Variants in DNER observed in about 807,000 individuals in gnomAD.
DNER encodes the protein delta/notch like EGF repeat containing.
DNER carries 33 observed loss-of-function variants against 78.2 expected under a neutral mutation model. The observed-to-expected ratio is 0.42, with a 90% CI of 0.32 to 0.56. DNER has a LOEUF of 0.56. DNER is among the 20% of genes least tolerant of loss of function. The probability of loss-of-function intolerance (pLI) is 0.11; values close to 1 mark genes in which losing one functional copy is unlikely to be tolerated. For missense variants in DNER, 918 were observed against 975.3 expected (o/e 0.94, Z 0.78); for synonymous variants, 417 against 384.8 (o/e 1.08, Z -0.98).
intron 4 of DNER, among the ~76,000 whole-genome samples, chr2:229,550,871 A>C (rs188187141): frequency 2.0e-5 from 3 of 152,232 alleles, no homozygotes; most frequent in African/African-American, 7.2e-5. Context: ...CCTTGCCTGC[A>C]TGGTACCTAG....
At chr2:229,556,034 C>A (rs1320559345) in intron 4 of DNER, among the ~76,000 whole-genome samples, 1 of 152,194 alleles carries the variant, frequency 6.6e-6, no homozygotes, top group Non-Finnish European at 1.5e-5. Flanking sequence ...TTAGACCACA[C>A]AATGATCTAA....
intron 1 of DNER, among the ~76,000 whole-genome samples, chr2:229,632,390 C>T (rs1574936538): frequency 6.6e-6 from 1 of 152,164 alleles, no homozygotes; most frequent in East Asian, 1.9e-4. Flanking sequence ...AACTCAGCAG[C>T]TCACAAAGCA....
intron 7 of DNER, among the ~76,000 whole-genome samples, chr2:229,464,034 C>G (rs1694754397): frequency 6.6e-6 from 1 of 152,138 alleles, no homozygotes; most frequent in Non-Finnish European, 1.5e-5. Context: ...ATGATGTGTG[C>G]AGGTCAGAAA....
chr2:229,518,319 A>G (rs1318970448), intron 5 of DNER, among the ~76,000 whole-genome samples: 1 of 152,226 alleles, frequency 6.6e-6, no homozygotes, highest in Admixed American at 6.5e-5. Context: ...CCATGTGTCT[A>G]GCAATATTGT....
At chr2:229,441,234 A>G (rs1390848498) in intron 8 of DNER, among the ~76,000 whole-genome samples, 2 of 152,116 alleles carry the variant, frequency 1.3e-5, no homozygotes, top group African/African-American at 4.8e-5. Flanking sequence ...AACTCATTGG[A>G]AATTCTGAAC....
At chr2:229,396,196 A>G (rs1457877044) in intron 10 of DNER, among the ~76,000 whole-genome samples, 1 of 152,192 alleles carries the variant, frequency 6.6e-6, no homozygotes, top group Non-Finnish European at 1.5e-5. Flanking sequence ...TATCCCTACC[A>G]AAATATATAA....
intron 1 of DNER, among the ~76,000 whole-genome samples, chr2:229,700,758 CAA>C (rs769382080): frequency 7.3e-6 from 1 of 137,830 alleles, no homozygotes. Flanking sequence ...ACTAAAAATA[CAA>C]AAAAAAAAAA....
At chr2:229,429,754 A>C (rs995918940) in intron 8 of DNER, among the ~76,000 whole-genome samples, 1 of 152,186 alleles carries the variant, frequency 6.6e-6, no homozygotes, top group African/African-American at 2.4e-5. Context: ...CCCAGATTTC[A>C]CCACCCAGGA....
intron 5 of DNER, among the ~76,000 whole-genome samples, chr2:229,536,927 T>C (rs1258514215): frequency 6.6e-6 from 1 of 152,172 alleles, no homozygotes. Context: ...AACTTTGCTC[T>C]GGAGACAGAG....
At chr2:229,514,871 A>G (rs1199492148) in intron 5 of DNER, among the ~76,000 whole-genome samples, 1 of 152,250 alleles carries the variant, frequency 6.6e-6, no homozygotes, top group Non-Finnish European at 1.5e-5. Context: ...CCAAACTGCC[A>G]AATTGTATAT....
At chr2:229,480,495 C>A (rs1559363139) in intron 6 of DNER, among the ~76,000 whole-genome samples, 2 of 152,124 alleles carry the variant, frequency 1.3e-5, no homozygotes, top group Non-Finnish European at 2.9e-5. Flanking sequence ...TCTGATAATG[C>A]ACAAATATTC....
chr2:229,573,670 A>T (rs1697251854), intron 4 of DNER, among the ~76,000 whole-genome samples: 1 of 152,236 alleles, frequency 6.6e-6, no homozygotes, highest in Non-Finnish European at 1.5e-5. Flanking sequence ...AAAGGATCAC[A>T]GAGAAGGAAA....
intron 1 of DNER, among the ~76,000 whole-genome samples, chr2:229,615,553 C>T (rs1559183643): frequency 1.3e-5 from 2 of 150,418 alleles, no homozygotes; most frequent in Non-Finnish European, 3.0e-5. Flanking sequence ...ACTAAAAATA[C>T]AAAAAAAAAT....
At chr2:229,419,454 A>G (rs1456082471) in intron 8 of DNER, among the ~76,000 whole-genome samples, 2 of 152,220 alleles carry the variant, frequency 1.3e-5, no homozygotes, top group Non-Finnish European at 2.9e-5. Context: ...AGGAATTAGA[A>G]CTACTAGCTT....
chr2:229,359,677 T>C (rs910931165), intron 12 of DNER, among the ~76,000 whole-genome samples: 15 of 152,182 alleles, frequency 9.9e-5, no homozygotes, highest in African/African-American at 3.6e-4. Flanking sequence ...GTCCCAACTC[T>C]CCTCTTTTCC....
chr2:229,558,467 A>G (rs143232942), intron 4 of DNER, among the ~76,000 whole-genome samples: 1 of 152,226 alleles, frequency 6.6e-6, no homozygotes, highest in African/African-American at 2.4e-5. Flanking sequence ...GCATTCTATC[A>G]TCATCTGATT....
intron 1 of DNER, among the ~76,000 whole-genome samples, chr2:229,697,928 G>A (rs550318463): frequency 1.3e-5 from 2 of 152,306 alleles, no homozygotes; most frequent in African/African-American, 2.4e-5. Flanking sequence ...ATTGGTTCAC[G>A]CCTGTAATCC....
chr2:229,713,061 G>C (rs1458771249), intron 1 of DNER, among the ~76,000 whole-genome samples: 1 of 152,120 alleles, frequency 6.6e-6, no homozygotes, highest in Non-Finnish European at 1.5e-5. Context: ...TCCAATCATT[G>C]TTATCAAATT....
In DNER at chr2:229,508,881, AAAAAGAAAAGAAAAGAAAAGAAAAG is replaced by A. The variant is rs142109825; in HGVS notation, c.1147+3877_1147+3901del. 4.6e-3 allele frequency among the ~76,000 whole-genome samples: 637 copies of A among 137,336 alleles called. 2 individuals are homozygous for A. The highest frequency in any genetic ancestry group is 0.011 in the Middle Eastern group (3 of 270). 90.1% of individuals were successfully genotyped at this position (137,336 alleles called of 152,430 possible). ...GGGCGACAGAGTGAGACTCCATCTC[AAAAAGAAAAGAAAAGAAAAGAAAAG>A]AAAAGAAAAGAAAAGAAAAAGCAAA... On this transcript the variant is annotated intron_variant, in intron 6 of 12. Transcript: ENST00000341772.
Sources: gnomAD v4.1 joint callset for allele counts (sites outside exome capture counted in the v4.1 genomes callset) on GRCh38, gnomAD v4.1.1 for gene constraint, MANE v1.5 for transcripts, NCBI Gene and HGNC (gene_info 2026-07-23, HGNC 2026-07-21) for gene names.